MSH6: variants seen among roughly 807,000 people sequenced by gnomAD.
MSH6 encodes mutS homolog 6.
MSH6 carries 85 observed loss-of-function variants against 119.1 expected under a neutral mutation model. The ratio of observed to expected loss-of-function variants is 0.71; its 90% CI spans 0.60 to 0.85. MSH6 has a LOEUF of 0.85. Among genes scored for constraint, MSH6 ranks in the 40% least tolerant of loss-of-function variants. The pLI is 0.00. For missense variants in MSH6, 2,163 were observed against 1,655.3 expected, an observed-to-expected ratio of 1.31 and a Z score of -5.32; for synonymous variants, 830 against 586.9, an observed-to-expected ratio of 1.41 and a Z score of -5.99.
Position 47,793,778 on chromosome 2 carries a change from T to A in MSH6, c.458-2116T>A, listed in dbSNP as rs185618339. ...CGGAGTCCAGCTTTATCACCCAGGC[T>A]GGAGTGGAATGGCACAATCTCAGCT... On this transcript the variant is annotated intron_variant, in intron 2 of 9. Transcript: ENST00000234420. Among the ~76,000 whole-genome samples, 5 of 151,838 alleles carry A rather than the reference T, an allele frequency of 3.3e-5. No individual in the cohort carries two copies. In the East Asian group the frequency reaches 9.9e-4, roughly 30 times the overall value.
intron 2 of MSH6, among the ~76,000 whole-genome samples, chr2:47,794,334 C>A (rs950217790): frequency 3.9e-5 from 6 of 151,994 alleles, no homozygotes; most frequent in Non-Finnish European, 7.4e-5. Flanking sequence ...TGCAATGGTG[C>A]AGTCTTGGCT....
intron 1 of MSH6, among the ~76,000 whole-genome samples, chr2:47,789,001 C>T (rs960793603): frequency 7.5e-6 from 1 of 132,676 alleles, no homozygotes; most frequent in Non-Finnish European, 1.5e-5. Flanking sequence ...TCTTGGCTCA[C>T]TGCAACCTCT....
In MSH6 at chr2:47,793,754, G is replaced by A. The variant is rs117337791; in HGVS notation, c.458-2140G>A. On this transcript the variant is annotated intron_variant, in intron 2 of 9. Transcript: ENST00000234420. ...CAGAATTACTTTTTTTTTTTGCAGC[G>A]GAGTCCAGCTTTATCACCCAGGCTG... Among the ~76,000 whole-genome samples, 576 of 149,796 alleles carry A rather than the reference G, an allele frequency of 3.8e-3. 1 individual carries two copies. Among genetic ancestry groups the A allele is most frequent in the Middle Eastern group, 0.014 (4 of 288 alleles).
At chr2:47,791,387 C>G (rs1243996425) in intron 2 of MSH6, among the ~76,000 whole-genome samples, 1 of 152,080 alleles carries the variant, frequency 6.6e-6, no homozygotes, top group African/African-American at 2.4e-5. Flanking sequence ...TAAGGGTAAA[C>G]TAAACTGTCC....
rs3136334 is a variant in MSH6, at chr2:47,799,850, C to T, written c.1867C>T (p.Pro623Ser). ...CTGTTCTCTTCAGGAAGGTCTGATACCCGGCTCCCAGTTTTGGGATGCATC... is the reference window on the plus strand; with the variant it reads ...CTGTTCTCTTCAGGAAGGTCTGATATCCGGCTCCCAGTTTTGGGATGCATC... ...LSCSLQEGLI[P>S]GSQFWDASKT... is the part of the protein sequence containing the mutation. The change falls in exon 4 of 10, where the codon CCC becomes TCC. Residue 623 changes from proline to serine, a missense_variant. Pro to Ser is a moderately conservative substitution (Grantham distance 74). Transcript: ENST00000234420. The T allele has an allele frequency of 1.2e-6, 2 of 1,614,162 alleles. No homozygotes were observed. Among genetic ancestry groups the T allele is most frequent in the Non-Finnish European group, 8.5e-7 (1 of 1,180,024 alleles).
At chr2:47,795,064 A>G (rs897380876) in intron 2 of MSH6, among the ~76,000 whole-genome samples, 3 of 152,174 alleles carry the variant, frequency 2.0e-5, no homozygotes, top group South Asian at 2.1e-4. Flanking sequence ...GAGTGCTGGG[A>G]TTACAGGTGC....
chr2:47,788,462 C>T (rs1028653658), intron 1 of MSH6, among the ~76,000 whole-genome samples: 8 of 149,580 alleles, frequency 5.3e-5, no homozygotes, highest in African/African-American at 2.0e-4. Flanking sequence ...ACCATGTTGG[C>T]CAGGCCAGTC....
chr2:47,790,080 C>A (rs1326450128), intron 1 of MSH6, among the ~76,000 whole-genome samples: 1 of 152,162 alleles, frequency 6.6e-6, no homozygotes, highest in Non-Finnish European at 1.5e-5. Flanking sequence ...GTTGAGCATA[C>A]TGTATTTACT....
At chr2:47,783,623 G>A in intron 1 of MSH6, 130 bp downstream of exon 1, 6 of 972,506 alleles carry the variant, frequency 6.2e-6, no homozygotes, top group Non-Finnish European at 8.5e-6. Context: ...AGGCGGGGCC[G>A]CAGAGTTGGC....
chr2:47,799,466 C>T lies in MSH6; in HGVS notation c.1483C>T (p.Arg495Ter), dbSNP rs587779212. 3 of 1,613,890 alleles carry T rather than the reference C, an allele frequency of 1.9e-6. No homozygotes were observed. Among genetic ancestry groups the T allele is most frequent in the South Asian group, 1.1e-5 (1 of 91,064 alleles). Reference sequence around the variant, plus strand: ...TGAGACTCCAGAAATGATGGAGGCACGATGTAGAAAGATGGCACATATATC... The same window carrying T: ...TGAGACTCCAGAAATGATGGAGGCATGATGTAGAAAGATGGCACATATATC... ...QTETPEMMEA[R>*]CRKMAHISKY... The change falls in exon 4 of 10, where the codon CGA (arginine) becomes TGA (stop). Residue 495 changes from arginine to a stop codon, truncating the protein, a stop_gained. Transcript: ENST00000234420. LOFTEE classifies it high-confidence loss of function.
At position 47,783,322 on chromosome 2, in the gene MSH6, A is replaced by T. The variant is rs963847218; in HGVS notation, c.89A>T (p.Glu30Val). Residue 30 changes from glutamate (E) to valine (V), a missense_variant, in exon 1 of 10, where the codon GAA (glutamate) becomes GTA (valine). Coordinates refer to ENST00000234420, the MANE Select transcript of MSH6 (RefSeq NM_000179.3). Reference sequence around the variant, plus strand: ...AAGGCCTCGGCCAGGGCCTCACGCGAAGGCGGCCGTGCCGCCGCTGCCCCC... The same window carrying T: ...AAGGCCTCGGCCAGGGCCTCACGCGTAGGCGGCCGTGCCGCCGCTGCCCCC... ...ANKASARASR[E>V]GGRAAAAPGA... 1 of 1,610,774 alleles carries T rather than the reference A, an allele frequency of 6.2e-7. No individual in the cohort carries two copies. Among genetic ancestry groups the T allele is most frequent in the East Asian group, 2.2e-5 (1 of 44,796 alleles).
intron 2 of MSH6, among the ~76,000 whole-genome samples, chr2:47,793,588 C>T (rs1189340230): frequency 6.6e-6 from 1 of 150,600 alleles, no homozygotes; most frequent in Non-Finnish European, 1.5e-5. Context: ...GCCTGGGGAA[C>T]GGAGTGAGAC....
At chr2:47,809,537 G>C, downstream of MSH6, 1 of 1,188,282 alleles carries the variant, frequency 8.4e-7, no homozygotes, top group Non-Finnish European at 1.2e-6. Flanking sequence ...GTTATAAAAC[G>C]GCTTCTGATT....
intron 2 of MSH6, among the ~76,000 whole-genome samples, chr2:47,795,611 G>A (rs998332114): frequency 1.3e-5 from 2 of 151,550 alleles, no homozygotes; most frequent in Admixed American, 6.6e-5. Context: ...GACTACAGGC[G>A]CACACCACCA....
chr2:47,809,300 AG>A, downstream of MSH6: 1 of 1,344,270 alleles, frequency 7.4e-7, no homozygotes, highest in Non-Finnish European at 1.0e-6. Flanking sequence ...AAAAATTCAG[AG>A]GAATGTTAAT....
Position 47,783,260 on chromosome 2 carries a change from C to T in MSH6, c.27C>T (p.Ser9=), listed in dbSNP as rs1572697773. 1 of 1,612,192 alleles carries T rather than the reference C, an allele frequency of 6.2e-7. No homozygotes were observed. The change falls in exon 1 of 10, where the codon AGC becomes AGT. Residue 9 remains serine, a synonymous_variant. Coordinates refer to ENST00000234420, the MANE Select transcript of MSH6 (RefSeq NM_000179.3). ...TGTCGCGACAGAGCACCCTGTACAG[C>T]TTCTTCCCCAAGTCTCCGGCGCTGA... MSRQSTLY[S]FFPKSPALSD...
At chr2:47,790,634 C>T (rs1269757449) in intron 1 of MSH6, among the ~76,000 whole-genome samples, 1 of 152,116 alleles carries the variant, frequency 6.6e-6, no homozygotes, top group East Asian at 1.9e-4. Context: ...TTTTTCCTGC[C>T]ATCAGCATTA....
At chr2:47,805,803 C>T (rs891375563) in intron 7 of MSH6, 96 bp downstream of exon 7, 1 of 962,760 alleles carries the variant, frequency 1.0e-6, no homozygotes, top group African/African-American at 1.6e-5. Context: ...TACATTTAAA[C>T]AATATGAATG....
intron 5 of MSH6, among the ~76,000 whole-genome samples, chr2:47,804,690 C>T (rs1404439192): frequency 1.3e-5 from 2 of 152,154 alleles, no homozygotes; most frequent in Non-Finnish European, 2.9e-5. Context: ...TAAGCAGGCT[C>T]TGATGTTTTA....
Sources: allele counts gnomAD v4.1 joint callset (sites outside exome capture counted in the v4.1 genomes callset), GRCh38; gene constraint gnomAD v4.1.1; transcripts MANE v1.5; gene names NCBI Gene and HGNC (gene_info 2026-07-23, HGNC 2026-07-21).